SLFN5: variants seen among roughly 807,000 people sequenced by gnomAD.
SLFN5 encodes the protein schlafen family member 5.
A neutral mutation model predicts 48.5 loss-of-function variants in SLFN5; 34 were observed. The observed-to-expected ratio is 0.70, with a 90% confidence interval of 0.53 to 0.93. The LOEUF (loss-of-function observed/expected upper bound fraction) is 0.93. Ranked by LOEUF, SLFN5 falls within the 40% of genes least tolerant of loss-of-function variation. The pLI is 0.00. For missense variants in SLFN5, 1,006 were observed against 1,071.3 expected, an observed-to-expected ratio of 0.94 and a Z score of 0.85; for synonymous variants, 387 against 396.2, an observed-to-expected ratio of 0.98 and a Z score of 0.28.
In SLFN5 at chr17:35,272,801, T is replaced by C. The variant is rs970097074; in HGVS notation, c.*6913T>C. 6.6e-6 allele frequency: 1 copy of C among 152,204 alleles called. No individual in the cohort carries two copies. The highest frequency in any genetic ancestry group is 6.5e-5 in the Admixed American group (1 of 15,284). The allele number at this position is 152,204 out of a possible 1,614,324, so 9.4% of individuals were successfully genotyped here. Reference sequence around the variant, plus strand: ...AACATTACTCATGATAGCAGAAGTATCAATTGACAAAATTACTCAGATTGG... The same window carrying C: ...AACATTACTCATGATAGCAGAAGTACCAATTGACAAAATTACTCAGATTGG... On this transcript the variant is annotated 3_prime_UTR_variant, in exon 5 of 5. Transcript: ENST00000299977.
At chr17:35,257,313 T>C (rs1904371457) in intron 1 of SLFN5, among the ~76,000 whole-genome samples, 1 of 152,158 alleles carries the variant, frequency 6.6e-6, no homozygotes, top group Non-Finnish European at 1.5e-5. Context: ...GAAGGGAACT[T>C]TGGGGTCCTA....
rs974507672 is a variant in SLFN5, at chr17:35,271,663, T to C, written c.*5775T>C. The C allele has an allele frequency of 2.0e-5, 3 of 152,202 alleles. No individual in the cohort carries two copies. The highest frequency in any genetic ancestry group is 7.2e-5 in the African/African-American group (3 of 41,460). 9.4% of individuals were successfully genotyped at this position (152,202 alleles called of 1,614,324 possible). ...ATTATAAATATATCAATTTTCACTGTTAATCTATAAATTCAGTGTAATCCC... is the reference window on the plus strand; with the variant it reads ...ATTATAAATATATCAATTTTCACTGCTAATCTATAAATTCAGTGTAATCCC... On this transcript the variant is annotated 3_prime_UTR_variant, in exon 5 of 5. Coordinates refer to ENST00000299977, the MANE Select transcript of SLFN5 (RefSeq NM_144975.4).
chr17:35,263,240 C>T (rs34490538), intron 3 of SLFN5, among the ~76,000 whole-genome samples: 24,295 of 152,032 alleles, frequency 0.16, 2,572 homozygotes, highest in Middle Eastern at 0.26. Flanking sequence ...AAGCGATTCT[C>T]GTGCCTCAGC....
At chr17:35,254,198 A>G (rs1597648629) in intron 1 of SLFN5, among the ~76,000 whole-genome samples, 1 of 152,120 alleles carries the variant, frequency 6.6e-6, no homozygotes, top group South Asian at 2.1e-4. Context: ...ATTGTCTTAT[A>G]TTTGTATTTG....
rs1013518335 is a variant in SLFN5, at chr17:35,270,501, C to T, written c.*4613C>T. Reference sequence around the variant, plus strand: ...CACGGTAATACACTGAGGCTGGCACCACCACAGGCCAGGACAACCGTTGTC... The same window carrying T: ...CACGGTAATACACTGAGGCTGGCACTACCACAGGCCAGGACAACCGTTGTC... On this transcript the variant is annotated 3_prime_UTR_variant, in exon 5 of 5. Transcript: ENST00000299977. 1 of 152,202 alleles carries T rather than the reference C, an allele frequency of 6.6e-6. No individual in the cohort carries two copies. The highest frequency in any genetic ancestry group is 1.5e-5 in the Non-Finnish European group (1 of 68,068). The allele number at this position is 152,202 out of a possible 1,614,324, so 9.4% of individuals were successfully genotyped here. A position where few individuals can be genotyped will look rare whatever the true frequency, so the allele number is the denominator to read the frequency against.
Position 35,272,295 on chromosome 17 carries a change from A to G in SLFN5, c.*6407A>G, listed in dbSNP as rs1235458456. 1 of 152,210 alleles carries G rather than the reference A, an allele frequency of 6.6e-6. No individual in the cohort carries two copies. The highest frequency in any genetic ancestry group is 2.4e-5 in the African/African-American group (1 of 41,458). The allele number at this position is 152,210 out of a possible 1,614,324, so 9.4% of individuals were successfully genotyped here. On this transcript the variant is annotated 3_prime_UTR_variant, in exon 5 of 5. Coordinates refer to ENST00000299977, the MANE Select transcript of SLFN5 (RefSeq NM_144975.4). ...AACTTTATATGTTAAATTCAAGTTA[A>G]TTGGGGAAAGATGGATTATTCAATA... is the stretch of plus-strand genomic sequence containing the variant.
intron 1 of SLFN5, among the ~76,000 whole-genome samples, chr17:35,257,712 ATT>A (rs142456157): frequency 6.6e-6 from 1 of 151,110 alleles, no homozygotes; most frequent in African/African-American, 2.4e-5. Flanking sequence ...TATATATATG[ATT>A]TTTTTTTGAC....
Position 35,271,507 on chromosome 17 carries a change from ATAAT to A in SLFN5, c.*5623_*5626del, listed in dbSNP as rs1386101553. ...ATTATAATTCCAACAAAAAGATAAAATAATTAAGAATAACTGCAACAAGAAAATA... is the reference window on the plus strand; with the variant it reads ...ATTATAATTCCAACAAAAAGATAAAATAAGAATAACTGCAACAAGAAAATA... On this transcript the variant is annotated 3_prime_UTR_variant, in exon 5 of 5. Transcript: ENST00000299977. 2.0e-5 allele frequency: 3 copies of A among 152,332 alleles called. No homozygotes were observed. Among genetic ancestry groups the A allele is most frequent in the East Asian group, 3.9e-4 (2 of 5,194 alleles). The allele number at this position is 152,332 out of a possible 1,614,324, so 9.4% of individuals were successfully genotyped here. A position where few individuals can be genotyped will look rare whatever the true frequency, so the allele number is the denominator to read the frequency against.
At chr17:35,244,504 C>A (rs2092426312) in intron 1 of SLFN5, among the ~76,000 whole-genome samples, 1 of 152,190 alleles carries the variant, frequency 6.6e-6, no homozygotes, top group South Asian at 2.1e-4. Flanking sequence ...GAGGCTGTGC[C>A]TGCCTTTGTG....
chr17:35,259,801 GAA>G, intron 2 of SLFN5, 99 bp downstream of exon 2: 1 of 1,383,968 alleles, frequency 7.2e-7, no homozygotes, highest in East Asian at 2.3e-5. Flanking sequence ...GGAATCTGGG[GAA>G]AGAGATTTAC....
rs1171663735 is a variant in SLFN5 at position 35,264,823 on chromosome 17, G to A, written c.1779G>A (p.Glu593=). ...CTATCTTGGCTCTTAGGATCATGGA[G>A]AAGATCAGGAATGTGTTTCACTGTG... ...GKTILALRIM[E]KIRNVFHCEP... The change falls in exon 4 of 5, where the codon GAG becomes GAA. Residue 593 remains glutamate (E), a synonymous_variant. Transcript: ENST00000299977. 2 of 1,595,850 alleles carry A rather than the reference G, an allele frequency of 1.3e-6. No individual in the cohort carries two copies. The highest frequency in any genetic ancestry group is 2.7e-5 in the African/African-American group (2 of 74,096).
At chr17:35,243,679 C>T (rs892634894) in intron 1 of SLFN5, among the ~76,000 whole-genome samples, 1 of 152,152 alleles carries the variant, frequency 6.6e-6, no homozygotes, top group African/African-American at 2.4e-5. Context: ...CCCTGTATCC[C>T]CCATACAGTG....
At chr17:35,244,295 G>A (rs1207346953) in intron 1 of SLFN5, among the ~76,000 whole-genome samples, 2 of 152,112 alleles carry the variant, frequency 1.3e-5, no homozygotes, top group African/African-American at 4.8e-5. Flanking sequence ...TGAGGGGCTC[G>A]GTTGCACCAG....
intron 3 of SLFN5, among the ~76,000 whole-genome samples, chr17:35,263,804 T>C (rs1275732840): frequency 2.5e-5 from 2 of 78,484 alleles, no homozygotes; most frequent in Non-Finnish European, 4.4e-5. Context: ...AGAGCAAGAC[T>C]CCATCTCAAA....
intron 3 of SLFN5, among the ~76,000 whole-genome samples, chr17:35,262,015 A>C (rs1043366251): frequency 1.3e-5 from 2 of 152,016 alleles, no homozygotes; most frequent in African/African-American, 4.8e-5. Context: ...ATGACGTCTA[A>C]TTTTTTCATT....
rs1904412427 is a variant in SLFN5 at position 35,258,630 on chromosome 17, TTCTA to T, written c.-40-17_-40-14del. ...TCCTATTCTTGTCCTGTTCTAATGG[TTCTA>T]TCTTTCTGTTTTTCAGGAGAACATT... On this transcript the variant is annotated splice_polypyrimidine_tract_variant and intron_variant, in intron 1 of 4. Transcript: ENST00000299977. The T allele has an allele frequency of 1.3e-6, 2 of 1,555,064 alleles. No homozygotes were observed. The highest frequency in any genetic ancestry group is 4.5e-5 in the East Asian group (2 of 44,434).
intron 3 of SLFN5, among the ~76,000 whole-genome samples, chr17:35,263,735 A>C (rs1048673698): frequency 2.7e-5 from 4 of 150,350 alleles, no homozygotes; most frequent in Non-Finnish European, 1.5e-5. Flanking sequence ...AGGCAGGAGA[A>C]TCACTTGAAC....
At chr17:35,253,326 A>C (rs1273392157) in intron 1 of SLFN5, among the ~76,000 whole-genome samples, 2 of 151,464 alleles carry the variant, frequency 1.3e-5, no homozygotes, top group African/African-American at 4.9e-5. Context: ...ACCATAAAAG[A>C]TACTGTTTAT....
In SLFN5 at chr17:35,264,609, C is replaced by G. The variant is rs1368336415; in HGVS notation, c.1565C>G (p.Thr522Ser). The G allele has an allele frequency of 9.9e-6, 16 of 1,614,090 alleles. No homozygotes were observed. Among genetic ancestry groups the G allele is most frequent in the Non-Finnish European group, 1.3e-5 (15 of 1,180,016 alleles). ...QIYPESYNFM[T>S]PQHMEALLQS... ...TACCCTGAATCCTATAACTTCATGA[C>G]CCCCCAGCACATGGAAGCCCTGTTA... The change falls in exon 4 of 5, where the codon ACC becomes AGC. Residue 522 changes from threonine to serine, a missense_variant. By Grantham distance (58) the Thr-to-Ser change is moderately conservative (BLOSUM62 1). Transcript: ENST00000299977.
Sources: allele counts gnomAD v4.1 joint callset (sites outside exome capture counted in the v4.1 genomes callset), GRCh38; gene constraint gnomAD v4.1.1; transcripts MANE v1.5; gene names NCBI Gene and HGNC (gene_info 2026-07-23, HGNC 2026-07-21).